The following CLASP2 variants were observed in gnomAD, a reference collection of about 807,000 sequenced individuals.
CLASP2 encodes CLIP-associating protein 2.
CLASP2 carries 47 observed loss-of-function variants against 194.4 expected under a neutral mutation model. The ratio of observed to expected loss-of-function variants is 0.24; its 90% confidence interval spans 0.19 to 0.31. CLASP2 has a LOEUF of 0.31. CLASP2 is among the 10% of genes least tolerant of loss of function. The pLI is 1.00. For synonymous variants in CLASP2, 619 were observed against 633.5 expected (o/e 0.98, Z 0.34); for missense variants, 1,445 against 1,823.6 (o/e 0.79, Z 3.78).
chr3:33,548,213 G>A (rs545994538), intron 30 of CLASP2, among the ~76,000 whole-genome samples: 5 of 152,126 alleles, frequency 3.3e-5, no homozygotes, highest in African/African-American at 1.2e-4. Context: ...TATAAGCTCA[G>A]TAGTTAAAAT....
chr3:33,551,507 T>A, intron 29 of CLASP2, 112 bp from the exon 30 acceptor site: 1 of 1,057,560 alleles, frequency 9.5e-7, no homozygotes, highest in Non-Finnish European at 1.3e-6. Context: ...TATATACAGA[T>A]AGGGTCTTAC....
chr3:33,599,097 T>C (rs2071291421), intron 18 of CLASP2, among the ~76,000 whole-genome samples: 1 of 142,542 alleles, frequency 7.0e-6, no homozygotes, highest in East Asian at 2.0e-4. Context: ...TAAGTAGTTG[T>C]TGTTGTCTTA....
chr3:33,564,541 G>A (rs1560052563), intron 27 of CLASP2, among the ~76,000 whole-genome samples: 1 of 152,126 alleles, frequency 6.6e-6, no homozygotes, highest in Non-Finnish European at 1.5e-5. Flanking sequence ...AAATAAAAAT[G>A]TGGACATGTT....
chr3:33,498,356 CAT>C lies in CLASP2; in HGVS notation c.*273_*274del, dbSNP rs1169952904. ...GGTTAATGGGAAGACAAAGTACAAA[CAT>C]GTGAAATGATGAATTAAATTAAAAA... On this transcript the variant is annotated 3_prime_UTR_variant, in exon 39 of 39. Coordinates refer to ENST00000682230, the MANE Select transcript of CLASP2 (RefSeq NM_001365631.1). 1.0e-5 allele frequency: 3 copies of C among 285,982 alleles called. No individual in the cohort carries two copies. The highest frequency in any genetic ancestry group is 2.2e-5 in the African/African-American group (1 of 46,006). 17.7% of individuals were successfully genotyped at this position (285,982 alleles called of 1,614,324 possible).
chr3:33,582,108 G>T (rs981559804), intron 22 of CLASP2, among the ~76,000 whole-genome samples, 180 bp from the exon 23 acceptor site: 5 of 152,020 alleles, frequency 3.3e-5, no homozygotes, highest in African/African-American at 1.2e-4. Flanking sequence ...CTTAAATATG[G>T]TCCTCTAGTT....
chr3:33,558,225 G>C (rs973496611), intron 29 of CLASP2: 9 of 152,142 alleles, frequency 5.9e-5, no homozygotes, highest in Admixed American at 5.9e-4. Flanking sequence ...CTTTCTTCTT[G>C]TGTCTCTTTC....
chr3:33,594,948 T>TA lies in CLASP2; in HGVS notation c.1966+2dup. 7.1e-7 allele frequency: 1 copy of TA among 1,409,330 alleles called. No individual in the cohort carries two copies. Among genetic ancestry groups the TA allele is most frequent in the East Asian group, 2.6e-5 (1 of 38,730 alleles). 87.3% of individuals were successfully genotyped at this position (1,409,330 alleles called of 1,614,324 possible). A position where few individuals can be genotyped will look rare whatever the true frequency, so the allele number is the denominator to read the frequency against. ...TGTTACTAACAAAATGTATAGTTCT[T>TA]ACCATCTTCAGATGCTGTTCCTAAA... On this transcript the variant is annotated splice_region_variant and intron_variant, in intron 20 of 38. Coordinates refer to ENST00000682230, the MANE Select transcript of CLASP2 (RefSeq NM_001365631.1).
chr3:33,548,285 T>A (rs145332669), intron 30 of CLASP2, among the ~76,000 whole-genome samples: 12 of 152,102 alleles, frequency 7.9e-5, no homozygotes, highest in Admixed American at 1.3e-4. Context: ...GAAAATGTTT[T>A]ATAATTTTTT....
chr3:33,671,276 T>A (rs1399185130), intron 6 of CLASP2, among the ~76,000 whole-genome samples: 1 of 152,026 alleles, frequency 6.6e-6, no homozygotes, highest in Non-Finnish European at 1.5e-5. Flanking sequence ...ACCAACACAT[T>A]ACTAAAGGCC....
At chr3:33,647,812 G>C (rs1005142338) in intron 7 of CLASP2, among the ~76,000 whole-genome samples, 3 of 152,080 alleles carry the variant, frequency 2.0e-5, no homozygotes, top group Admixed American at 2.0e-4. Flanking sequence ...AGGCAGGTGG[G>C]TGACGAGGTC....
At chr3:33,547,791 T>TA (rs11442673) in intron 30 of CLASP2, among the ~76,000 whole-genome samples, 1 of 73,850 alleles carries the variant, frequency 1.4e-5, no homozygotes, top group Admixed American at 1.9e-4. Flanking sequence ...ATTTTATGTA[T>TA]TTTTTTTTTT....
At chr3:33,643,871 A>G (rs2081806188) in intron 8 of CLASP2, among the ~76,000 whole-genome samples, 1 of 152,080 alleles carries the variant, frequency 6.6e-6, no homozygotes, top group Admixed American at 6.5e-5. Flanking sequence ...ACAAAAAGAA[A>G]AAACAAAAAT....
intron 14 of CLASP2, 73 bp from the exon 15 acceptor site, chr3:33,607,534 T>C (rs1178775045): frequency 1.1e-6 from 1 of 932,096 alleles, no homozygotes; most frequent in Non-Finnish European, 1.6e-6. Flanking sequence ...TTAAGGCCTA[T>C]ATGTTACATA....
rs540766477 is a variant in CLASP2 at position 33,496,889 on chromosome 3, C to T, written c.*1742G>A. 6.6e-6 allele frequency: 1 copy of T among 152,644 alleles called. No homozygotes were observed. Among genetic ancestry groups the T allele is most frequent in the South Asian group, 2.1e-4 (1 of 4,824 alleles). 9.5% of individuals were successfully genotyped at this position (152,644 alleles called of 1,614,324 possible). ...GAAAAATCTTTTCTCCTCAGATGAA[C>T]TTACAAAATTCAAGAGACCACCACT... On this transcript the variant is annotated 3_prime_UTR_variant, in exon 39 of 39. Transcript: ENST00000682230.
chr3:33,561,119 A>C, intron 27 of CLASP2, 148 bp from the exon 28 acceptor site: 1 of 687,246 alleles, frequency 1.5e-6, no homozygotes, highest in Non-Finnish European at 2.4e-6. Flanking sequence ...CTTGCTTTTC[A>C]TTGGACTCTG....
At chr3:33,545,000 A>AT (rs969072608) in intron 30 of CLASP2, 159 bp from the exon 31 acceptor site, 34 of 481,314 alleles carry the variant, frequency 7.1e-5, no homozygotes, top group Non-Finnish European at 9.9e-5. Context: ...TGCTGGAAGG[A>AT]TAAAAAAAAA....
intron 30 of CLASP2, 139 bp from the exon 31 acceptor site, chr3:33,544,980 C>A: frequency 1.5e-5 from 8 of 521,788 alleles, no homozygotes; most frequent in East Asian, 3.7e-5. Context: ...TATTTGCTTT[C>A]AAACTGTTTT....
intron 12 of CLASP2, 60 bp downstream of exon 12, chr3:33,619,543 G>A (rs1377392244): frequency 1.1e-5 from 16 of 1,429,118 alleles, no homozygotes; most frequent in South Asian, 1.4e-5. Context: ...AAAAGGGGGA[G>A]GAAGAAGAAA....
intron 25 of CLASP2, among the ~76,000 whole-genome samples, chr3:33,571,015 A>ATTTTTTTTTTTTTTT (rs1027731514): frequency 9.7e-5 from 12 of 123,922 alleles, no homozygotes; most frequent in Admixed American, 2.8e-4. Flanking sequence ...GTCTCTATAA[A>ATTTTTTTTTTTTTTT]TTTTTTTTTT....
Sources: gnomAD v4.1 joint callset for allele counts (sites outside exome capture counted in the v4.1 genomes callset) on GRCh38, gnomAD v4.1.1 for gene constraint, MANE v1.5 for transcripts, NCBI Gene and HGNC (gene_info 2026-07-23, HGNC 2026-07-21) for gene names.